The following POLA1 variants were observed in gnomAD, a reference collection of about 807,000 sequenced individuals.
POLA1 encodes the protein DNA polymerase alpha 1, catalytic subunit, also known as DNA polymerase alpha catalytic subunit.
A neutral mutation model predicts 124.0 loss-of-function variants in POLA1; 15 were observed. The observed-to-expected ratio is 0.12, with a 90% CI of 0.08 to 0.19. The LOEUF (loss-of-function observed/expected upper bound fraction) is 0.19, where lower values mean the gene tolerates loss of function less well. Ranked by LOEUF, POLA1 falls within the 10% of genes least tolerant of loss-of-function variation. The pLI is 1.00. For synonymous variants in POLA1, 408 were observed against 389.4 expected (o/e 1.05, Z -0.56); for missense variants, 886 against 1,103.4 (o/e 0.80, Z 2.79).
chrX:24,729,952 G>A (rs1450223148), intron 15 of POLA1, among the ~76,000 whole-genome samples: 1 of 109,934 alleles, frequency 9.1e-6, no homozygotes, highest in African/African-American at 3.3e-5. Flanking sequence ...TTACAGGTGC[G>A]GGCCACTACA....
At chrX:24,895,670 C>A (rs1339297306) in intron 35 of POLA1, among the ~76,000 whole-genome samples, 1 of 112,379 alleles carries the variant, frequency 8.9e-6, no homozygotes, top group Non-Finnish European at 1.9e-5. Flanking sequence ...CTGGCCTCAG[C>A]CCATCACTGT....
rs767564863 is a variant in POLA1, at chrX:24,714,662, C to T, written c.455C>T (p.Thr152Ile). 53 of 1,120,029 alleles carry T rather than the reference C, an allele frequency of 4.7e-5. No individual in the cohort carries two copies. Among genetic ancestry groups the T allele is most frequent in the Middle Eastern group, 2.5e-4 (1 of 4,063 alleles). 92.3% of individuals were successfully genotyped at this position (1,120,029 alleles called of 1,213,427 possible). ...TTCATTGCTTGTGCTGGAAAGAAAACTGCAGATGTGAGTTTCATGGTTTCC... is the reference window on the plus strand; with the variant it reads ...TTCATTGCTTGTGCTGGAAAGAAAATTGCAGATGTGAGTTTCATGGTTTCC... ...SMFIACAGKK[T>I]ADKAVDLSKD... The change falls in exon 5 of 37, where the codon ACT becomes ATT. Residue 152 changes from threonine (T) to isoleucine (I), a missense_variant. This residue lies in a region of POLA1 where 337 missense variants were observed against 402.8 expected (regional missense o/e 0.84). Transcript: ENST00000379068.
Position 24,747,367 on chromosome X carries a change from G to T in POLA1, c.2692-944G>T, listed in dbSNP as rs763162364. On this transcript the variant is annotated intron_variant, in intron 24 of 36. Coordinates refer to ENST00000379068, the MANE Select transcript of POLA1 (RefSeq NM_001330360.2). Reference sequence around the variant, plus strand: ...TTTAGTAGAGATGGGGTTTCTCCATGTTGGTCAGGCTGGTCTTGAACTCCC... The same window carrying T: ...TTTAGTAGAGATGGGGTTTCTCCATTTTGGTCAGGCTGGTCTTGAACTCCC... 3.6e-5 allele frequency among the ~76,000 whole-genome samples: 4 copies of T among 110,177 alleles called. No homozygotes were observed. The South Asian group carries it at 1.6e-3, about 44-fold the overall frequency.
chrX:24,919,762 G>A (rs919622882), intron 35 of POLA1, among the ~76,000 whole-genome samples: 2 of 99,993 alleles, frequency 2.0e-5, no homozygotes, highest in Non-Finnish European at 4.0e-5. Context: ...AGCCCAACAC[G>A]CACTAGCTAT....
At chrX:24,964,645 A>G (rs1363200043) in intron 36 of POLA1, among the ~76,000 whole-genome samples, 1 of 112,649 alleles carries the variant, frequency 8.9e-6, no homozygotes, top group Admixed American at 9.4e-5. Context: ...CACCAGTCAC[A>G]TTCACCTAGA....
chrX:24,845,879 C>A (rs916921669), intron 34 of POLA1, among the ~76,000 whole-genome samples: 3 of 111,964 alleles, frequency 2.7e-5, no homozygotes, highest in Non-Finnish European at 5.6e-5. Context: ...CTTAGAAGCA[C>A]TGCAGGAGAA....
intron 26 of POLA1, among the ~76,000 whole-genome samples, chrX:24,773,249 A>C (rs1008155764): frequency 4.0e-4 from 45 of 112,547 alleles, no homozygotes; most frequent in Non-Finnish European, 3.6e-4. Context: ...TTGCAGAACA[A>C]CTATACTCTG....
intron 1 of POLA1, among the ~76,000 whole-genome samples, chrX:24,695,208 CTAG>C (rs2148296424): frequency 9.0e-6 from 1 of 111,578 alleles, no homozygotes. Context: ...CTGCTGTAAG[CTAG>C]TGTCTGTCTG....
chrX:24,794,005 T>C (rs747866859), intron 26 of POLA1, among the ~76,000 whole-genome samples: 4 of 109,364 alleles, frequency 3.7e-5, no homozygotes, highest in South Asian at 4.1e-4. Context: ...TCTCTCTCTC[T>C]CTCTATTGCC....
chrX:24,978,266 A>G (rs961703101), intron 36 of POLA1, among the ~76,000 whole-genome samples: 2 of 111,699 alleles, frequency 1.8e-5, no homozygotes, highest in African/African-American at 6.5e-5. Flanking sequence ...TCAAGCTTCC[A>G]TCTTTGTTCT....
At chrX:24,904,251 C>T (rs2047326873) in intron 35 of POLA1, among the ~76,000 whole-genome samples, 1 of 110,468 alleles carries the variant, frequency 9.1e-6, no homozygotes, top group Non-Finnish European at 1.9e-5. Flanking sequence ...ATTTCAAGTA[C>T]CTTTAAACTA....
chrX:24,867,137 T>C (rs1285642623), intron 34 of POLA1, among the ~76,000 whole-genome samples: 1 of 111,759 alleles, frequency 8.9e-6, no homozygotes, highest in East Asian at 2.8e-4. Flanking sequence ...TTTATAATTT[T>C]TGTTCTAGTC....
Position 24,887,983 on chromosome X carries a change from C to G in POLA1, c.4048-23C>G, listed in dbSNP as rs764425862. The G allele has an allele frequency of 5.4e-5, 54 of 1,007,717 alleles. No individual in the cohort carries two copies. The East Asian group carries it at 1.6e-3, about 30-fold the overall frequency. 83.0% of individuals were successfully genotyped at this position (1,007,717 alleles called of 1,213,427 possible). A position where few individuals can be genotyped will look rare whatever the true frequency, so the allele number is the denominator to read the frequency against. ...CTTGTATTTGTCGATGGTGATAAGT[C>G]TGAAGTTTTCCCTTCTCTCCAGGGC... is the stretch of plus-strand genomic sequence containing the variant. On this transcript the variant is annotated intron_variant, in intron 34 of 36. Transcript: ENST00000379068.
intron 36 of POLA1, among the ~76,000 whole-genome samples, chrX:24,977,070 G>C (rs1403225805): frequency 8.9e-6 from 1 of 112,301 alleles, no homozygotes; most frequent in East Asian, 2.8e-4. Context: ...CTGATGCACA[G>C]CTGTTATCCT....
intron 34 of POLA1, among the ~76,000 whole-genome samples, chrX:24,859,415 C>G (rs751645760): frequency 9.0e-6 from 1 of 111,646 alleles, no homozygotes; most frequent in Non-Finnish European, 1.9e-5. Flanking sequence ...TATCTCCACA[C>G]TTTCACTCCT....
intron 26 of POLA1, among the ~76,000 whole-genome samples, chrX:24,800,803 T>C (rs1337810683): frequency 1.8e-5 from 2 of 112,269 alleles, no homozygotes; most frequent in Non-Finnish European, 3.8e-5. Context: ...AGACACGTTA[T>C]AAGACAGGGA....
chrX:24,916,279 T>C (rs770832819), intron 35 of POLA1, among the ~76,000 whole-genome samples: 41 of 105,387 alleles, frequency 3.9e-4, no homozygotes, highest in Non-Finnish European at 7.1e-4. Context: ...ACTTTTTTTT[T>C]CTTTTTTCTT....
At chrX:24,986,924 A>G (rs1229298036) in intron 36 of POLA1, among the ~76,000 whole-genome samples, 7 of 111,196 alleles carry the variant, frequency 6.3e-5, no homozygotes, top group Non-Finnish European at 1.3e-4. Flanking sequence ...CCTCTCTGAT[A>G]GGCAGCTTCT....
intron 36 of POLA1, among the ~76,000 whole-genome samples, chrX:24,994,210 A>T (rs1046731316): frequency 3.6e-5 from 4 of 112,410 alleles, no homozygotes; most frequent in Non-Finnish European, 5.6e-5. Context: ...TTTCTGTTGC[A>T]GCCCCCCTCT....
Sources: allele counts gnomAD v4.1 joint callset (sites outside exome capture counted in the v4.1 genomes callset), GRCh38; gene constraint gnomAD v4.1.1; regional missense constraint gnomAD v4.1.1; transcripts MANE v1.5; gene names NCBI Gene and HGNC (gene_info 2026-07-23, HGNC 2026-07-21).